Variants in GPC6 observed in about 807,000 individuals in gnomAD.
GPC6 encodes the protein glypican-6.
Under a neutral mutation model 55.2 loss-of-function variants are expected in GPC6, and 14 were observed. That is an observed-to-expected ratio of 0.25 (90% CI 0.17 to 0.40). The LOEUF is 0.40. GPC6 is among the 10% of genes least tolerant of loss of function. The pLI is 1.00. For synonymous variants in GPC6, 278 were observed against 259.6 expected, an observed-to-expected ratio of 1.07 and a Z score of -0.68; for missense variants, 641 against 708.5, an observed-to-expected ratio of 0.90 and a Z score of 1.08.
At chr13:93,850,152 G>T (rs1045757584) in intron 3 of GPC6, among the ~76,000 whole-genome samples, 2 of 152,018 alleles carry the variant, frequency 1.3e-5, no homozygotes, top group Admixed American at 1.3e-4. Flanking sequence ...ACAATCAGTA[G>T]GTTTGGCCAG....
chr13:93,538,143 A>G (rs992044094), intron 1 of GPC6, among the ~76,000 whole-genome samples: 4 of 149,958 alleles, frequency 2.7e-5, no homozygotes, highest in African/African-American at 9.8e-5. Context: ...GTTTATGTGG[A>G]AAAAAAAAAT....
intron 6 of GPC6, among the ~76,000 whole-genome samples, chr13:94,314,610 C>T (rs888747235): frequency 5.9e-5 from 9 of 152,232 alleles, no homozygotes; most frequent in African/African-American, 2.2e-4. Flanking sequence ...TGAGCCTCAT[C>T]AGTTGACATA....
At chr13:93,742,109 A>T (rs1443460579) in intron 2 of GPC6, among the ~76,000 whole-genome samples, 1 of 152,180 alleles carries the variant, frequency 6.6e-6, no homozygotes, top group Non-Finnish European at 1.5e-5. Context: ...AACATGTACC[A>T]AGTTTGATAT....
At chr13:94,270,533 A>C (rs1891958468) in intron 4 of GPC6, among the ~76,000 whole-genome samples, 2 of 152,244 alleles carry the variant, frequency 1.3e-5, no homozygotes, top group African/African-American at 4.8e-5. Flanking sequence ...TCTGAAAGGA[A>C]GTATCACAAA....
At chr13:94,050,382 G>A (rs1883899385) in intron 4 of GPC6, among the ~76,000 whole-genome samples, 1 of 152,172 alleles carries the variant, frequency 6.6e-6, no homozygotes, top group Non-Finnish European at 1.5e-5. Context: ...GAGCGTGGGT[G>A]TGTTTTGAAA....
chr13:93,444,195 C>CTTTTTTTTTT (rs10659977), intron 1 of GPC6, among the ~76,000 whole-genome samples: 7 of 110,674 alleles, frequency 6.3e-5, no homozygotes, highest in African/African-American at 1.6e-4. Flanking sequence ...TGCAATTCTT[C>CTTTTTTTTTT]TTTTTTTTTT....
At chr13:94,083,226 C>T (rs1436832219) in intron 4 of GPC6, among the ~76,000 whole-genome samples, 2 of 152,174 alleles carry the variant, frequency 1.3e-5, no homozygotes, top group Non-Finnish European at 2.9e-5. Flanking sequence ...ACTTGCCATT[C>T]TCCTGCCTCA....
intron 1 of GPC6, among the ~76,000 whole-genome samples, chr13:93,354,175 T>C (rs1880742632): frequency 6.6e-6 from 1 of 152,184 alleles, no homozygotes; most frequent in Non-Finnish European, 1.5e-5. Flanking sequence ...GTCCCAGGTC[T>C]GTAACATTTG....
At chr13:93,350,956 G>A (rs1004405475) in intron 1 of GPC6, among the ~76,000 whole-genome samples, 2 of 151,910 alleles carry the variant, frequency 1.3e-5, no homozygotes, top group Non-Finnish European at 2.9e-5. Context: ...AATTCACAGA[G>A]GCACAGGTAT....
Position 93,330,525 on chromosome 13 carries a change from C to CA in GPC6, c.160+102921dup, listed in dbSNP as rs10709603. Among the ~76,000 whole-genome samples, 180 of 144,384 alleles carry CA rather than the reference C, an allele frequency of 1.2e-3. 1 individual carries two copies. The highest frequency in any genetic ancestry group is 0.011 in the East Asian group (54 of 4,986). 94.7% of individuals were successfully genotyped at this position (144,384 alleles called of 152,430 possible). ...CTGGGTGCAGAGTGAGACTCTGTTT[C>CA]AAAAAAAAAAAATGCTTTTGCAGAT... is the stretch of plus-strand genomic sequence containing the variant. On this transcript the variant is annotated intron_variant, in intron 1 of 8. Coordinates refer to ENST00000377047, the MANE Select transcript of GPC6 (RefSeq NM_005708.5).
chr13:93,575,877 T>C (rs553507423), intron 2 of GPC6, among the ~76,000 whole-genome samples: 4 of 152,294 alleles, frequency 2.6e-5, no homozygotes, highest in African/African-American at 9.6e-5. Flanking sequence ...GAGTCTCCAA[T>C]CTACAAAGCT....
intron 2 of GPC6, among the ~76,000 whole-genome samples, chr13:93,672,704 G>A (rs1258503480): frequency 1.3e-5 from 2 of 151,074 alleles, no homozygotes; most frequent in Non-Finnish European, 2.9e-5. Flanking sequence ...TAATCTCAGT[G>A]TTCATTATAT....
At chr13:94,167,995 A>C (rs997472989) in intron 4 of GPC6, among the ~76,000 whole-genome samples, 1 of 152,232 alleles carries the variant, frequency 6.6e-6, no homozygotes, top group Non-Finnish European at 1.5e-5. Flanking sequence ...GTTACACATA[A>C]AATGCTTATA....
chr13:93,307,648 A>G (rs943135752), intron 1 of GPC6, among the ~76,000 whole-genome samples: 2 of 152,172 alleles, frequency 1.3e-5, no homozygotes, highest in African/African-American at 2.4e-5. Context: ...TTAAAAAGCC[A>G]CTATGTAAAT....
At chr13:93,708,515 G>A (rs1650529348) in intron 2 of GPC6, among the ~76,000 whole-genome samples, 1 of 151,736 alleles carries the variant, frequency 6.6e-6, no homozygotes, top group South Asian at 2.1e-4. Context: ...AGTCTTTGAG[G>A]TTTTGCTGTT....
chr13:93,974,053 C>T (rs756274801), intron 3 of GPC6, among the ~76,000 whole-genome samples: 1 of 152,152 alleles, frequency 6.6e-6, no homozygotes, highest in Non-Finnish European at 1.5e-5. Context: ...ATTGCTTAAA[C>T]ATCGTTTTCT....
chr13:94,344,793 C>G (rs1180813809), intron 6 of GPC6, among the ~76,000 whole-genome samples: 1 of 152,220 alleles, frequency 6.6e-6, no homozygotes, highest in East Asian at 1.9e-4. Context: ...GCAACTCTGT[C>G]TCTATAAGGA....
chr13:94,165,244 GTATACATATATGTATACA>G (rs1888320674), intron 4 of GPC6, among the ~76,000 whole-genome samples: 2 of 145,500 alleles, frequency 1.4e-5, no homozygotes, highest in African/African-American at 5.1e-5. Context: ...ATATATATAT[GTATACATATATGTATACA>G]TATATATATA....
At chr13:93,695,822 A>C (rs942884082) in intron 2 of GPC6, among the ~76,000 whole-genome samples, 18 of 151,942 alleles carry the variant, frequency 1.2e-4, no homozygotes, top group African/African-American at 4.3e-4. Flanking sequence ...TTGGTACTTT[A>C]TTTTCACTTC....
Sources: gnomAD v4.1 joint callset for allele counts (sites outside exome capture counted in the v4.1 genomes callset) on GRCh38, gnomAD v4.1.1 for gene constraint, MANE v1.5 for transcripts, NCBI Gene and HGNC (gene_info 2026-07-23, HGNC 2026-07-21) for gene names.